The following SUCO variants were observed in gnomAD, a reference collection of about 807,000 sequenced individuals.
SUCO encodes the protein SUN domain-containing ossification factor.
In SUCO, 57 loss-of-function variants were observed where a neutral mutation model predicts 148.1. The ratio of observed to expected loss-of-function variants is 0.38; its 90% confidence interval spans 0.31 to 0.48. The LOEUF is 0.48. Ranked by LOEUF, SUCO falls within the 20% of genes least tolerant of loss-of-function variation. The probability of loss-of-function intolerance (pLI) is 0.96; values close to 1 mark genes in which losing one functional copy is unlikely to be tolerated. For missense variants in SUCO, 1,331 were observed against 1,468.2 expected (o/e 0.91, Z 1.53); for synonymous variants, 470 against 502.7 (o/e 0.93, Z 0.87).
intron 11 of SUCO, chr1:172,577,128 T>C (rs1274408634): frequency 3.7e-5 from 14 of 379,440 alleles, no homozygotes; most frequent in Non-Finnish European, 5.1e-5. Context: ...TATGTATATG[T>C]GCATATATAT....
At chr1:172,577,244 C>T (rs1195982565) in intron 11 of SUCO, 2 of 171,922 alleles carry the variant, frequency 1.2e-5, no homozygotes, top group African/African-American at 4.8e-5. Context: ...AGAATGCTTT[C>T]TATCTAACAG....
In SUCO at chr1:172,551,507, T is replaced by C. The variant is rs773596355; in HGVS notation, c.63-5T>C. 109 of 1,582,742 alleles carry C rather than the reference T, an allele frequency of 6.9e-5. No individual in the cohort carries two copies. Among genetic ancestry groups the C allele is most frequent in the Non-Finnish European group, 9.0e-5 (105 of 1,163,562 alleles). ...TGTTTGTTGGTGGTGGTGGGTGTTT[T>C]ACAGGCTTCCCAGCTGGCGTGTATG... On this transcript the variant is annotated splice_polypyrimidine_tract_variant and splice_region_variant and intron_variant, in intron 1 of 23. Coordinates refer to ENST00000263688, the MANE Select transcript of SUCO (RefSeq NM_014283.5).
rs912626153 is a variant in SUCO at position 172,533,233 on chromosome 1, C to T, written c.-203C>T. 1.0e-5 allele frequency: 16 copies of T among 1,544,354 alleles called. No individual in the cohort carries two copies. Among genetic ancestry groups the T allele is most frequent in the Non-Finnish European group, 1.3e-5 (15 of 1,145,198 alleles). On this transcript the variant is annotated 5_prime_UTR_variant, in exon 1 of 24. Coordinates refer to ENST00000263688, the MANE Select transcript of SUCO (RefSeq NM_014283.5). ...CGGCGGTCCCCGGAGTCCTGTGAAG[C>T]GCCCCTGTCCGCGCCTCTGTGGGGC...
chr1:172,572,696 T>TAAAAAAAAAA (rs61248782), intron 9 of SUCO, among the ~76,000 whole-genome samples: 7 of 49,604 alleles, frequency 1.4e-4, no homozygotes, highest in Non-Finnish European at 1.8e-4. Context: ...GAATGATCAA[T>TAAAAAAAAAA]AAAAAAAAAA....
At chr1:172,534,467 A>G (rs1651865872) in intron 1 of SUCO, among the ~76,000 whole-genome samples, 1 of 152,244 alleles carries the variant, frequency 6.6e-6, no homozygotes, top group African/African-American at 2.4e-5. Flanking sequence ...TTTCATTTTT[A>G]TGGATGCCTT....
chr1:172,593,777 A>G (rs1656860280), intron 19 of SUCO, among the ~76,000 whole-genome samples: 2 of 152,176 alleles, frequency 1.3e-5, no homozygotes, highest in African/African-American at 4.8e-5. Flanking sequence ...TATCAGAATG[A>G]TGCTGGCCTC....
intron 9 of SUCO, among the ~76,000 whole-genome samples, chr1:172,570,947 T>C (rs1262368980): frequency 6.6e-6 from 1 of 152,084 alleles, no homozygotes; most frequent in Non-Finnish European, 1.5e-5. Flanking sequence ...AATTATGAAA[T>C]GGTATAAAAA....
Position 172,602,090 on chromosome 1 carries a change from C to G in SUCO, c.3045C>G (p.Val1015=), listed in dbSNP as rs749483241. ...TTTCAGATCGACAAAGCTATCTTGT[C>G]ATATCTTTGGTTCTTTGTGTTGTCT... ...REVSDRQSYL[V]ISLVLCVVLG... Residue 1015 remains valine (V), a synonymous_variant, in exon 21 of 24, where the codon GTC becomes GTG. Coordinates refer to ENST00000263688, the MANE Select transcript of SUCO (RefSeq NM_014283.5). 4 of 1,611,412 alleles carry G rather than the reference C, an allele frequency of 2.5e-6. No individual in the cohort carries two copies. Among genetic ancestry groups the G allele is most frequent in the Non-Finnish European group, 3.4e-6 (4 of 1,178,814 alleles).
intron 19 of SUCO, among the ~76,000 whole-genome samples, chr1:172,592,947 T>G (rs946153037): frequency 1.3e-5 from 2 of 152,252 alleles, no homozygotes; most frequent in African/African-American, 4.8e-5. Context: ...TCTTCCTTTA[T>G]TTCCTTCAGC....
intron 4 of SUCO, 148 bp downstream of exon 4, chr1:172,556,171 G>A (rs572790373): frequency 3.5e-5 from 21 of 603,092 alleles, no homozygotes; most frequent in East Asian, 2.5e-4. Flanking sequence ...TTTTGTGTGC[G>A]TATGTGTGCA....
chr1:172,593,986 T>C (rs12735993), intron 19 of SUCO, among the ~76,000 whole-genome samples: 1 of 152,256 alleles, frequency 6.6e-6, no homozygotes, highest in Admixed American at 6.5e-5. Context: ...ATTCAACTTC[T>C]TCCTGGTTTA....
intron 1 of SUCO, among the ~76,000 whole-genome samples, chr1:172,547,641 A>G (rs1652961205): frequency 6.6e-6 from 1 of 152,208 alleles, no homozygotes; most frequent in Non-Finnish European, 1.5e-5. Flanking sequence ...CATAAAATAA[A>G]GCTCCAGAAC....
At chr1:172,568,485 T>A in intron 6 of SUCO, 1 of 934,078 alleles carries the variant, frequency 1.1e-6, no homozygotes, top group Non-Finnish European at 1.3e-6. Context: ...TTCTGCATCT[T>A]ATTAACATGA....
intron 19 of SUCO, chr1:172,599,486 A>G (rs887735428): frequency 3.0e-6 from 2 of 673,204 alleles, no homozygotes; most frequent in Non-Finnish European, 3.7e-6. Context: ...AGTGCTGCCT[A>G]AAACAGATGG....
chr1:172,555,759 A>G lies in SUCO; in HGVS notation c.289-110A>G, dbSNP rs145020602. ...TATAAAAGTACTTTTTTTAGTGAAC[A>G]TTGTTTATATTGTCATTTTTCAGAA... On this transcript the variant is annotated intron_variant, in intron 3 of 23. Transcript: ENST00000263688. 1.2e-3 allele frequency: 1,019 copies of G among 859,278 alleles called. 14 individuals carry two copies. In the African/African-American group the frequency reaches 0.016, roughly 13 times the overall value. The allele number at this position is 859,278 out of a possible 1,614,324, so 53.2% of individuals were successfully genotyped here. A position where few individuals can be genotyped will look rare whatever the true frequency, so the allele number is the denominator to read the frequency against.
intron 1 of SUCO, among the ~76,000 whole-genome samples, chr1:172,549,016 A>G (rs191127322): frequency 5.3e-5 from 8 of 151,990 alleles, no homozygotes; most frequent in Non-Finnish European, 7.4e-5. Flanking sequence ...GTGCATATAT[A>G]TTTGTAATTC....
chr1:172,594,225 G>A (rs1167304021), intron 19 of SUCO, among the ~76,000 whole-genome samples: 1 of 150,106 alleles, frequency 6.7e-6, no homozygotes, highest in Non-Finnish European at 1.5e-5. Context: ...CAAAAAACCA[G>A]CTCCTGAATT....
chr1:172,586,840 C>T (rs1656280551), intron 17 of SUCO, among the ~76,000 whole-genome samples: 1 of 152,004 alleles, frequency 6.6e-6, no homozygotes, highest in Non-Finnish European at 1.5e-5. Context: ...TTATATTATC[C>T]TGTGTTAATC....
chr1:172,560,597 G>A (rs1310866864), intron 6 of SUCO, among the ~76,000 whole-genome samples: 1 of 152,162 alleles, frequency 6.6e-6, no homozygotes, highest in South Asian at 2.1e-4. Context: ...AGCCACCCAA[G>A]GGTACTGCTG....
Sources: gnomAD v4.1 joint callset for allele counts (sites outside exome capture counted in the v4.1 genomes callset) on GRCh38, gnomAD v4.1.1 for gene constraint, MANE v1.5 for transcripts, NCBI Gene and HGNC (gene_info 2026-07-23, HGNC 2026-07-21) for gene names.